Variants in ZNF438 observed in about 807,000 individuals in gnomAD.
The protein encoded by ZNF438 is zinc finger protein 438.
Under a neutral mutation model 38.0 loss-of-function variants are expected in ZNF438, and 25 were observed. The observed-to-expected ratio is 0.66, with a 90% CI of 0.48 to 0.92. The LOEUF is 0.92. Among genes scored for constraint, ZNF438 ranks in the 40% least tolerant of loss-of-function variants. The pLI, the probability that ZNF438 is intolerant of heterozygous loss-of-function variation, is 0.00. For synonymous variants in ZNF438, 372 were observed against 364.1 expected (o/e 1.02, Z -0.25); for missense variants, 1,007 against 999.6 (o/e 1.01, Z -0.10).
chr10:30,975,856 C>A (rs2051278721), intron 1 of ZNF438, among the ~76,000 whole-genome samples: 1 of 151,432 alleles, frequency 6.6e-6, no homozygotes, highest in Non-Finnish European at 1.5e-5. Context: ...ATTCTTTATG[C>A]CCATATAAAA....
intron 1 of ZNF438, among the ~76,000 whole-genome samples, chr10:30,953,792 T>C (rs1317732747): frequency 6.6e-6 from 1 of 152,134 alleles, no homozygotes; most frequent in Non-Finnish European, 1.5e-5. Flanking sequence ...GGTGGATAGA[T>C]GAATAACTCT....
At chr10:30,845,134 A>G (rs2031601119) in exon 6 of ZNF438, 2 of 1,614,160 alleles carry the variant, frequency 1.2e-6, no homozygotes, top group Non-Finnish European at 1.7e-6. Flanking sequence ...CCTGAATGGG[A>G]CCACAAGAGA....
At chr10:31,026,568 G>C (rs528683324) in intron 1 of ZNF438, among the ~76,000 whole-genome samples, 1 of 152,138 alleles carries the variant, frequency 6.6e-6, no homozygotes, top group South Asian at 2.1e-4. Context: ...TTAGATTGGC[G>C]ATCATTAAAA....
intron 1 of ZNF438, among the ~76,000 whole-genome samples, chr10:30,944,125 C>CA (rs1589325735): frequency 6.6e-6 from 1 of 152,146 alleles, no homozygotes; most frequent in Non-Finnish European, 1.5e-5. Context: ...TTGTAGGTGA[C>CA]AAAACACCAA....
chr10:30,850,174 G>A, exon 5 of ZNF438: 1 of 1,614,102 alleles, frequency 6.2e-7, no homozygotes, highest in South Asian at 1.1e-5. Flanking sequence ...CATAGTTCTG[G>A]GTGGACATCC....
At chr10:31,015,028 A>G (rs1255871657) in intron 1 of ZNF438, among the ~76,000 whole-genome samples, 26 of 152,158 alleles carry the variant, frequency 1.7e-4, no homozygotes, top group Admixed American at 1.7e-3. Flanking sequence ...CAGTTAATTA[A>G]AAGAAAACTT....
intron 3 of ZNF438, among the ~76,000 whole-genome samples, chr10:30,901,452 G>A: frequency 6.6e-6 from 1 of 151,872 alleles, no homozygotes; most frequent in South Asian, 2.1e-4. Flanking sequence ...TGAGTCGGGG[G>A]TTGTTAGCTA....
At chr10:31,017,748 G>C (rs1180174052) in intron 1 of ZNF438, among the ~76,000 whole-genome samples, 1 of 152,196 alleles carries the variant, frequency 6.6e-6, no homozygotes, top group East Asian at 1.9e-4. Context: ...GACAGGCCAT[G>C]TGACTTGAGA....
chr10:30,876,334 G>A (rs959143764), intron 4 of ZNF438, among the ~76,000 whole-genome samples: 1 of 152,104 alleles, frequency 6.6e-6, no homozygotes, highest in African/African-American at 2.4e-5. Flanking sequence ...AGATGGGGCA[G>A]GGAAAGACTG....
intron 1 of ZNF438, among the ~76,000 whole-genome samples, chr10:31,007,871 A>T (rs1188122547): frequency 6.6e-6 from 1 of 152,178 alleles, no homozygotes; most frequent in Non-Finnish European, 1.5e-5. Flanking sequence ...AAGACATCTT[A>T]CTTTGTCTCT....
intron 1 of ZNF438, among the ~76,000 whole-genome samples, chr10:31,025,398 AG>A (rs1423985917): frequency 6.6e-6 from 1 of 152,254 alleles, no homozygotes; most frequent in Non-Finnish European, 1.5e-5. Context: ...AATGTTTTCT[AG>A]ACATTGCCAA....
chr10:30,917,995 A>C (rs2043845902), intron 2 of ZNF438, among the ~76,000 whole-genome samples: 1 of 152,128 alleles, frequency 6.6e-6, no homozygotes, highest in African/African-American at 2.4e-5. Context: ...CAAGACAGAA[A>C]TTGAGATTTA....
chr10:30,885,416 T>A (rs2039828349), intron 3 of ZNF438, among the ~76,000 whole-genome samples: 1 of 152,238 alleles, frequency 6.6e-6, no homozygotes, highest in Non-Finnish European at 1.5e-5. Context: ...GGATGACAGC[T>A]TCACCTAGAT....
chr10:30,930,803 C>CAAAAAA lies in ZNF438; in HGVS notation c.-115+10766_-115+10771dup, dbSNP rs71527620. 6.2e-3 allele frequency among the ~76,000 whole-genome samples: 237 copies of CAAAAAA among 38,430 alleles called. 1 individual carries two copies. Among genetic ancestry groups the CAAAAAA allele is most frequent in the East Asian group, 0.017 (10 of 590 alleles). 25.2% of individuals were successfully genotyped at this position (38,430 alleles called of 152,430 possible). A position where few individuals can be genotyped will look rare whatever the true frequency, so the allele number is the denominator to read the frequency against. ...GCCTGGCGACAGAGAGAAACTCAGT[C>CAAAAAA]AAAAAAAAAAAAAAAAAAAAAAAAA... On this transcript the variant is annotated intron_variant, in intron 2 of 5. Transcript: ENST00000413025.
At chr10:30,897,120 G>A (rs949140102) in intron 3 of ZNF438, among the ~76,000 whole-genome samples, 2 of 152,098 alleles carry the variant, frequency 1.3e-5, no homozygotes, top group Non-Finnish European at 2.9e-5. Context: ...ATTGTATAAT[G>A]TTTTACTAGT....
At chr10:30,955,290 C>T (rs1196049740) in intron 1 of ZNF438, among the ~76,000 whole-genome samples, 1 of 152,184 alleles carries the variant, frequency 6.6e-6, no homozygotes, top group Non-Finnish European at 1.5e-5. Flanking sequence ...AGATAGTGGA[C>T]TGTGGTGGAT....
At chr10:30,914,158 T>G (rs1206734361) in intron 2 of ZNF438, among the ~76,000 whole-genome samples, 1 of 152,098 alleles carries the variant, frequency 6.6e-6, no homozygotes, top group Non-Finnish European at 1.5e-5. Context: ...GGAAATAATA[T>G]TAATTTCGAG....
At chr10:30,919,152 C>T (rs997856678) in intron 2 of ZNF438, 3 of 152,076 alleles carry the variant, frequency 2.0e-5, no homozygotes, top group African/African-American at 7.2e-5. Context: ...CCTTTTCTTC[C>T]TTCTATGGGT....
intron 1 of ZNF438, among the ~76,000 whole-genome samples, chr10:30,953,613 G>A (rs915376687): frequency 6.7e-6 from 1 of 149,598 alleles, no homozygotes; most frequent in Non-Finnish European, 1.5e-5. Flanking sequence ...ACGTGCACAT[G>A]TACCCTAAAA....
Sources: allele counts gnomAD v4.1 joint callset (sites outside exome capture counted in the v4.1 genomes callset), GRCh38; gene constraint gnomAD v4.1.1; transcripts MANE v1.5; gene names NCBI Gene and HGNC (gene_info 2026-07-23, HGNC 2026-07-21).